PCDHGB1: variants seen among roughly 807,000 people sequenced by gnomAD.
The protein encoded by PCDHGB1 is protocadherin gamma-B1.
A neutral mutation model predicts 56.6 loss-of-function variants in PCDHGB1; 34 were observed. The observed-to-expected ratio is 0.60, with a 90% CI of 0.46 to 0.80. PCDHGB1 has a LOEUF of 0.80. Among genes scored for constraint, PCDHGB1 ranks in the 30% least tolerant of loss-of-function variants. The pLI is 0.00. For synonymous variants in PCDHGB1, 561 were observed against 505.9 expected (o/e 1.11, Z -1.46); for missense variants, 1,278 against 1,204.6 (o/e 1.06, Z -0.90).
rs752954707 is a variant in PCDHGB1 at position 141,476,801 on chromosome 5, C to T, written c.2410-18006C>T. The T allele has an allele frequency of 6.2e-7, 1 of 1,613,586 alleles. No individual in the cohort carries two copies. Among genetic ancestry groups the T allele is most frequent in the Non-Finnish European group, 8.5e-7 (1 of 1,180,020 alleles). On this transcript the variant is annotated intron_variant, in intron 1 of 3. Coordinates refer to ENST00000523390, the MANE Select transcript of PCDHGB1 (RefSeq NM_018922.3). This position sits in a 1 kb window ranked among gnomAD's most constrained non-coding sequence, Gnocchi z 7.6. Reference sequence around the variant, plus strand: ...GACCCCAGCTCTCTCCGCCAGCCTGCCTATTCACATCAAGGTGCTGGACGC... The same window carrying T: ...GACCCCAGCTCTCTCCGCCAGCCTGTCTATTCACATCAAGGTGCTGGACGC...
At position 141,491,823 on chromosome 5, in the gene PCDHGB1, C is replaced by G; in HGVS notation, c.2410-2984C>G. Reference sequence around the variant, plus strand: ...GCCGGCTTGGTCGCTGGCTGCGCTCCACCCGATTCTCGGGATCATTGGACC... The same window carrying G: ...GCCGGCTTGGTCGCTGGCTGCGCTCGACCCGATTCTCGGGATCATTGGACC... On this transcript the variant is annotated intron_variant, in intron 1 of 3. Transcript: ENST00000523390. The surrounding 1 kb of genome is among the most constrained non-coding windows in gnomAD (Gnocchi z 6.9). The G allele has an allele frequency of 6.8e-7, 1 of 1,479,156 alleles. No individual in the cohort carries two copies. Among genetic ancestry groups the G allele is most frequent in the Non-Finnish European group, 9.0e-7 (1 of 1,115,292 alleles). 91.6% of individuals were successfully genotyped at this position (1,479,156 alleles called of 1,614,324 possible). A position where few individuals can be genotyped will look rare whatever the true frequency, so the allele number is the denominator to read the frequency against.
chr5:141,510,251 C>T (rs569804850), intron 3 of PCDHGB1, among the ~76,000 whole-genome samples: 5 of 144,790 alleles, frequency 3.5e-5, no homozygotes, highest in South Asian at 4.3e-4. Flanking sequence ...CCAGGCTGGG[C>T]GACAGAGCAG....
At chr5:141,466,376 C>A (rs1046432765) in intron 1 of PCDHGB1, among the ~76,000 whole-genome samples, 1 of 151,904 alleles carries the variant, frequency 6.6e-6, no homozygotes, top group Non-Finnish European at 1.5e-5. Flanking sequence ...GTTTTGGCAC[C>A]CATCTAATGG....
chr5:141,449,095 T>C (rs2098628347), intron 1 of PCDHGB1, among the ~76,000 whole-genome samples: 1 of 152,204 alleles, frequency 6.6e-6, no homozygotes. Flanking sequence ...AGTTTTTACA[T>C]ATGCAGTATA....
At position 141,490,181 on chromosome 5, in the gene PCDHGB1, G is replaced by A. The variant is rs755899660; in HGVS notation, c.2410-4626G>A. ...GGTCCCATAGACTTTGAGGAGTCACGTTTCTATGAAATTCATGCAAGAGCC... is the reference window on the plus strand; with the variant it reads ...GGTCCCATAGACTTTGAGGAGTCACATTTCTATGAAATTCATGCAAGAGCC... On this transcript the variant is annotated intron_variant, in intron 1 of 3. Coordinates refer to ENST00000523390, the MANE Select transcript of PCDHGB1 (RefSeq NM_018922.3). This position sits in a 1 kb window ranked among gnomAD's most constrained non-coding sequence, Gnocchi z 5.4. The A allele has an allele frequency of 9.9e-6, 16 of 1,614,200 alleles. No homozygotes were observed. Among genetic ancestry groups the A allele is most frequent in the Middle Eastern group, 1.6e-4 (1 of 6,062 alleles).
chr5:141,393,881 G>A (rs1003319572), intron 1 of PCDHGB1: 33 of 1,613,978 alleles, frequency 2.0e-5, no homozygotes, highest in Non-Finnish European at 2.8e-5. Context: ...TTAGCCCAGT[G>A]TTAGAAAATT....
chr5:141,360,715 T>A (rs774393413), intron 1 of PCDHGB1: 4 of 1,613,776 alleles, frequency 2.5e-6, no homozygotes, highest in Non-Finnish European at 3.4e-6. Context: ...ATATCCTGAG[T>A]TGATTCTAAA....
chr5:141,371,862 T>C (rs549873232), intron 1 of PCDHGB1: 34 of 1,613,560 alleles, frequency 2.1e-5, no homozygotes, highest in African/African-American at 1.5e-4. Context: ...TGTCTCCTAC[T>C]ACATCGTGGC....
intron 1 of PCDHGB1, chr5:141,399,490 G>A (rs750081604): frequency 1.1e-5 from 17 of 1,614,036 alleles, no homozygotes; most frequent in Non-Finnish European, 1.4e-5. Flanking sequence ...GTCCTACTTA[G>A]TCAGTGTACC....
chr5:141,490,229 T>C lies in PCDHGB1; in HGVS notation c.2410-4578T>C. The C allele has an allele frequency of 6.2e-7, 1 of 1,614,198 alleles. No individual in the cohort carries two copies. Among genetic ancestry groups the C allele is most frequent in the Non-Finnish European group, 8.5e-7 (1 of 1,180,034 alleles). On this transcript the variant is annotated intron_variant, in intron 1 of 3. Coordinates refer to ENST00000523390, the MANE Select transcript of PCDHGB1 (RefSeq NM_018922.3). The surrounding 1 kb of genome is among the most constrained non-coding windows in gnomAD (Gnocchi z 5.4). ...GCCCGTGACCAGGGACAGCCTGCCA[T>C]GGAGGGCCACTGTGTGATTCAAGTG... is the stretch of plus-strand genomic sequence containing the variant.
intron 1 of PCDHGB1, chr5:141,422,014 C>A: frequency 6.2e-7 from 1 of 1,610,158 alleles, no homozygotes; most frequent in Non-Finnish European, 8.5e-7. Flanking sequence ...AACTCGGGTG[C>A]TGATGGTTAA....
At chr5:141,423,508 A>G (rs962526072) in intron 1 of PCDHGB1, 2 of 1,613,860 alleles carry the variant, frequency 1.2e-6, no homozygotes, top group African/African-American at 2.7e-5. Context: ...GGTCTCTCTC[A>G]TTGCGGACTC....
intron 1 of PCDHGB1, chr5:141,394,756 A>T (rs757241753): frequency 1.2e-6 from 2 of 1,613,324 alleles, no homozygotes; most frequent in Non-Finnish European, 1.7e-6. Flanking sequence ...GCCGTCCAGG[A>T]CCATGGCCAG....
chr5:141,361,618 G>C, intron 1 of PCDHGB1: 1 of 1,613,956 alleles, frequency 6.2e-7, no homozygotes, highest in Non-Finnish European at 8.5e-7. Context: ...CGTAGCGAGC[G>C]ACCTGAAGCC....
chr5:141,465,312 A>G (rs2099100692), intron 1 of PCDHGB1, among the ~76,000 whole-genome samples: 1 of 152,314 alleles, frequency 6.6e-6, no homozygotes, highest in South Asian at 2.1e-4. Flanking sequence ...GAATTTAGCC[A>G]TGTCAATGCA....
At chr5:141,362,185 C>T (rs779283904) in intron 1 of PCDHGB1, 15 of 1,613,904 alleles carry the variant, frequency 9.3e-6, no homozygotes, top group Admixed American at 3.3e-5. Context: ...GCCCTCTGAC[C>T]CCCAGGCAAA....
intron 1 of PCDHGB1, among the ~76,000 whole-genome samples, chr5:141,435,444 A>T (rs1471113812): frequency 1.3e-5 from 2 of 152,216 alleles, no homozygotes; most frequent in South Asian, 2.1e-4. Context: ...TTTCATTAAT[A>T]CGATATCTGT....
At chr5:141,359,655 A>G (rs1161602645) in intron 1 of PCDHGB1, among the ~76,000 whole-genome samples, 4 of 152,072 alleles carry the variant, frequency 2.6e-5, no homozygotes, top group African/African-American at 9.7e-5. Flanking sequence ...GAGACAGAAT[A>G]TTTATAAAAA....
Position 141,375,503 on chromosome 5 carries a change from G to A in PCDHGB1, c.2409+22834G>A. 1.5e-5 allele frequency: 24 copies of A among 1,613,982 alleles called. 1 individual carries two copies. The highest frequency in any genetic ancestry group is 2.0e-5 in the Non-Finnish European group (24 of 1,179,940). On this transcript the variant is annotated intron_variant, in intron 1 of 3. Transcript: ENST00000523390. ...CCCCAGGGGTGCCTCCATCTTCTCT[G>A]TGAATGCACTGGACCCTGACGTGGA...
Sources: gnomAD v4.1 joint callset for allele counts (sites outside exome capture counted in the v4.1 genomes callset) on GRCh38, gnomAD v4.1.1 for gene constraint, Gnocchi (gnomAD v3.1) non-coding constraint, MANE v1.5 for transcripts, NCBI Gene and HGNC (gene_info 2026-07-23, HGNC 2026-07-21) for gene names.